HBS1L: variants seen among roughly 807,000 people sequenced by gnomAD.
HBS1L encodes the protein HBS1 like translational GTPase.
In HBS1L, 55 loss-of-function variants were observed where a neutral mutation model predicts 88.9. That is an observed-to-expected ratio of 0.62 (90% CI 0.50 to 0.77). The LOEUF (loss-of-function observed/expected upper bound fraction) is 0.77, where lower values mean the gene tolerates loss of function less well. Ranked by LOEUF, HBS1L falls within the 30% of genes least tolerant of loss-of-function variation. The pLI, the probability that HBS1L is intolerant of heterozygous loss-of-function variation, is 0.00. For missense variants in HBS1L, 741 were observed against 829.3 expected, an observed-to-expected ratio of 0.89 and a Z score of 1.31; for synonymous variants, 267 against 288.5, an observed-to-expected ratio of 0.93 and a Z score of 0.76.
intron 2 of HBS1L, among the ~76,000 whole-genome samples, chr6:135,048,554 G>A (rs80158359): frequency 0.14 from 21,638 of 152,172 alleles, 1,739 homozygotes; most frequent in East Asian, 0.27. Flanking sequence ...CTAAGTCACA[G>A]CTGCAAGGAG....
chr6:134,992,871 C>T (rs796470217), intron 8 of HBS1L, among the ~76,000 whole-genome samples: 3 of 152,294 alleles, frequency 2.0e-5, no homozygotes, highest in African/African-American at 7.2e-5. Context: ...GTGTCCTAGG[C>T]CTTCACATTC....
rs71006751 is a variant in HBS1L, at chr6:135,040,344, C to CTTTTTTTT, written c.236-585_236-578dup. On this transcript the variant is annotated intron_variant, in intron 3 of 17. Coordinates refer to ENST00000367837, the MANE Select transcript of HBS1L (RefSeq NM_006620.4). ...GGAGATTAAGGGGAGGATAGGCATT[C>CTTTTTTTT]TTTTTTTTTTTTTTTTTTTTTTTTG... Among the ~76,000 whole-genome samples, 39 of 110,054 alleles carry CTTTTTTTT rather than the reference C, an allele frequency of 3.5e-4. 1 individual carries two copies. Among genetic ancestry groups the CTTTTTTTT allele is most frequent in the African/African-American group, 1.3e-3 (37 of 28,070 alleles). The allele number at this position is 110,054 out of a possible 152,430, so 72.2% of individuals were successfully genotyped here.
chr6:134,978,782 C>T lies in HBS1L; in HGVS notation c.1694G>A (p.Gly565Asp), dbSNP rs1343154373. ...TACTTTGGGGCCACAAAATATGCAG[C>T]CAACACTGTAAGAACAACAAAAAAA... ...VGMDIIKINV[G>D]CIFCGPKVPI... is the part of the protein sequence containing the mutation. Residue 565 changes from glycine (G) to aspartate (D), a missense_variant, in exon 15 of 18, where the codon GGC becomes GAC. Coordinates refer to ENST00000367837, the MANE Select transcript of HBS1L (RefSeq NM_006620.4). 2 of 1,594,270 alleles carry T rather than the reference C, an allele frequency of 1.3e-6. No individual in the cohort carries two copies. The highest frequency in any genetic ancestry group is 2.7e-5 in the African/African-American group (2 of 74,138).
chr6:134,995,585 T>C (rs1267235167), intron 7 of HBS1L, among the ~76,000 whole-genome samples: 6 of 151,838 alleles, frequency 4.0e-5, no homozygotes, highest in Non-Finnish European at 7.4e-5. Context: ...TAAATTCAAG[T>C]AAACCATTCT....
chr6:135,035,750 C>CAAAAAAAAAAAAAAAAAAAAAAAA (rs34517904), intron 4 of HBS1L: 1 of 71,084 alleles, frequency 1.4e-5, no homozygotes, highest in African/African-American at 7.3e-5. Flanking sequence ...GACTCTGTCT[C>CAAAAAAAAAAAAAAAAAAAAAAAA]AAAAAAAAAA....
chr6:134,987,158 A>G (rs1775001379), intron 9 of HBS1L, among the ~76,000 whole-genome samples: 1 of 152,098 alleles, frequency 6.6e-6, no homozygotes. Flanking sequence ...CAGCCATAAA[A>G]ACAATACCCT....
rs1774164827 is a variant in HBS1L, at chr6:134,960,607, C to T, written c.*4672G>A. ...TTTTTACTTGCTTTAAATTCTTTGT[C>T]CAGTGTTAATATTGCTACTCCTGAT... On this transcript the variant is annotated 3_prime_UTR_variant, in exon 18 of 18. Transcript: ENST00000367837. 1 of 151,690 alleles carries T rather than the reference C, an allele frequency of 6.6e-6. No individual in the cohort carries two copies. Among genetic ancestry groups the T allele is most frequent in the Non-Finnish European group, 1.5e-5 (1 of 67,922 alleles). The allele number at this position is 151,690 out of a possible 1,614,324, so 9.4% of individuals were successfully genotyped here. A position where few individuals can be genotyped will look rare whatever the true frequency, so the allele number is the denominator to read the frequency against.
chr6:134,978,901 T>G, intron 14 of HBS1L, 114 bp from the exon 15 acceptor site: 1 of 669,974 alleles, frequency 1.5e-6, no homozygotes, highest in Non-Finnish European at 2.6e-6. Context: ...ATTAGGGACT[T>G]TTTCTAAATA....
rs779265794 is a variant in HBS1L at position 134,996,841 on chromosome 6, T to C, written c.901A>G (p.Lys301Glu). Residue 301 changes from lysine to glutamate, a missense_variant, in exon 7 of 18, where the codon AAG (lysine) becomes GAG (glutamate). By Grantham distance (56) the Lys-to-Glu change is moderately conservative. This residue lies in a region of HBS1L where 556 missense variants were observed against 598.4 expected (regional missense o/e 0.93). Transcript: ENST00000367837. ...TMHKYEQESK[K>E]AGKASFAYAW... ...TATGCAAACGAAGCTTTGCCAGCCT[T>C]TTTAGACTCCTGTTCATACTTATGC... The C allele has an allele frequency of 4.3e-6, 7 of 1,612,380 alleles. No individual in the cohort carries two copies. Among genetic ancestry groups the C allele is most frequent in the Non-Finnish European group, 5.1e-6 (6 of 1,179,302 alleles).
intron 11 of HBS1L, 40 bp downstream of exon 11, chr6:134,986,026 A>T (rs775071901): frequency 1.2e-6 from 1 of 830,766 alleles, no homozygotes; most frequent in South Asian, 1.5e-5. Flanking sequence ...ATTAATACCA[A>T]GTTTATAATG....
intron 4 of HBS1L, among the ~76,000 whole-genome samples, chr6:135,003,814 A>C (rs1397995746): frequency 1.3e-5 from 2 of 152,134 alleles, no homozygotes; most frequent in Admixed American, 1.3e-4. Flanking sequence ...GCAGTGAACC[A>C]ATATTGCACC....
chr6:135,041,965 A>C lies in HBS1L; in HGVS notation c.235+36T>G, dbSNP rs767524718. The C allele has an allele frequency of 6.3e-6, 10 of 1,595,592 alleles. No individual in the cohort carries two copies. The South Asian group carries it at 1.1e-4, about 18-fold the overall frequency. On this transcript the variant is annotated intron_variant, in intron 3 of 17. Transcript: ENST00000367837. ...ATTCTGGTGTATTTGGTCATTAATC[A>C]CTTTCAGATAACAGATACACTACTT...
intron 4 of HBS1L, among the ~76,000 whole-genome samples, chr6:135,022,576 C>T (rs928007041): frequency 6.6e-6 from 1 of 152,084 alleles, no homozygotes; most frequent in Admixed American, 6.5e-5. Context: ...ACAAAGCCCA[C>T]ATAATTTTAA....
chr6:135,054,679 G>C lies in HBS1L; in HGVS notation c.13C>G (p.Arg5Gly), dbSNP rs1417337703. ...TCGTAGTTATAGCCTCGAACATTCC[G>C]ATGCCGGGCCATGACGGCGGAGAGG... MARHRNVRGYNYDED... is the reference protein window; with the variant it reads MARHGNVRGYNYDED... The change falls in exon 1 of 18, where the codon CGG becomes GGG. Residue 5 changes from arginine to glycine, a missense_variant. Physicochemically the swap from Arg to Gly is moderately radical, Grantham distance 125 (BLOSUM62 -2). Coordinates refer to ENST00000367837, the MANE Select transcript of HBS1L (RefSeq NM_006620.4). The C allele has an allele frequency of 6.2e-7, 1 of 1,614,244 alleles. No homozygotes were observed. The highest frequency in any genetic ancestry group is 8.5e-7 in the Non-Finnish European group (1 of 1,180,032).
chr6:135,042,274 T>C (rs926394831), intron 2 of HBS1L, 148 bp from the exon 3 acceptor site: 5 of 587,838 alleles, frequency 8.5e-6, no homozygotes, highest in Middle Eastern at 4.8e-4. Flanking sequence ...AACAATATCA[T>C]ATCAAAACAT....
intron 7 of HBS1L, 117 bp from the exon 8 acceptor site, chr6:134,993,992 G>T: frequency 4.6e-6 from 2 of 436,546 alleles, no homozygotes; most frequent in Non-Finnish European, 8.1e-6. Flanking sequence ...TGTTTTTATA[G>T]ACTATTATTT....
At chr6:134,990,764 C>A (rs1775109423) in intron 8 of HBS1L, among the ~76,000 whole-genome samples, 1 of 152,124 alleles carries the variant, frequency 6.6e-6, no homozygotes, top group East Asian at 1.9e-4. Context: ...GTTGCCCAGG[C>A]TGGTCTTGAA....
chr6:135,026,136 A>C (rs1776220769), intron 4 of HBS1L, among the ~76,000 whole-genome samples: 2 of 152,250 alleles, frequency 1.3e-5, no homozygotes, highest in South Asian at 2.1e-4. Context: ...AACTGTTTTT[A>C]AAAACTGTTT....
intron 8 of HBS1L, among the ~76,000 whole-genome samples, chr6:134,990,106 T>C (rs1423214561): frequency 6.6e-6 from 1 of 152,196 alleles, no homozygotes; most frequent in Non-Finnish European, 1.5e-5. Context: ...TAGGTTAAAA[T>C]GTGAAATTCA....
Sources: gnomAD v4.1 joint callset for allele counts (sites outside exome capture counted in the v4.1 genomes callset) on GRCh38, gnomAD v4.1.1 for gene constraint, gnomAD v4.1.1 regional missense constraint, MANE v1.5 for transcripts, NCBI Gene and HGNC (gene_info 2026-07-23, HGNC 2026-07-21) for gene names.